HS6ST3: variants seen among roughly 807,000 people sequenced by gnomAD.
HS6ST3 encodes the protein heparan-sulfate 6-O-sulfotransferase 3.
Under a neutral mutation model 36.7 loss-of-function variants are expected in HS6ST3, and 12 were observed. That is an observed-to-expected ratio of 0.33 (90% confidence interval 0.21 to 0.53). The LOEUF (loss-of-function observed/expected upper bound fraction) is 0.53, where lower values mean the gene tolerates loss of function less well. HS6ST3 is among the 20% of genes least tolerant of loss of function. The pLI, the probability that HS6ST3 is intolerant of heterozygous loss-of-function variation, is 0.95. For synonymous variants in HS6ST3, 240 were observed against 257.5 expected (o/e 0.93, Z 0.65); for missense variants, 584 against 640.9 (o/e 0.91, Z 0.96).
chr13:96,224,761 G>A (rs182142500), intron 1 of HS6ST3, among the ~76,000 whole-genome samples: 4 of 152,338 alleles, frequency 2.6e-5, no homozygotes, highest in African/African-American at 9.6e-5. Flanking sequence ...GAAGGTTACA[G>A]AGCCACCTAA....
intron 1 of HS6ST3, among the ~76,000 whole-genome samples, chr13:96,580,267 A>G (rs2056337088): frequency 6.6e-6 from 1 of 150,510 alleles, no homozygotes; most frequent in South Asian, 2.1e-4. Context: ...TCAGTTTCAC[A>G]TAGCATATTA....
chr13:96,708,664 C>T (rs1029466018), intron 1 of HS6ST3, among the ~76,000 whole-genome samples: 44 of 152,204 alleles, frequency 2.9e-4, no homozygotes, highest in African/African-American at 8.9e-4. Flanking sequence ...AATGTGAATC[C>T]ACAGAGGAAA....
At chr13:96,582,755 C>T (rs773888927) in intron 1 of HS6ST3, among the ~76,000 whole-genome samples, 3 of 152,190 alleles carry the variant, frequency 2.0e-5, no homozygotes, top group Non-Finnish European at 4.4e-5. Flanking sequence ...TGTAGCAGAT[C>T]GGCTCATTTT....
chr13:96,417,943 A>C (rs1416625309), intron 1 of HS6ST3, among the ~76,000 whole-genome samples: 5 of 152,096 alleles, frequency 3.3e-5, no homozygotes, highest in Non-Finnish European at 5.9e-5. Flanking sequence ...CTGTTGAATA[A>C]CACACGTGGA....
chr13:96,734,398 G>A (rs1255749922), intron 1 of HS6ST3, among the ~76,000 whole-genome samples: 3 of 152,186 alleles, frequency 2.0e-5, no homozygotes, highest in South Asian at 2.1e-4. Context: ...TCTTACATTA[G>A]TCCCACCTTT....
At chr13:96,642,895 C>G (rs1206037469) in intron 1 of HS6ST3, among the ~76,000 whole-genome samples, 1 of 151,786 alleles carries the variant, frequency 6.6e-6, no homozygotes, top group Admixed American at 6.6e-5. Context: ...AACATCTGGC[C>G]TTCCTCAGGG....
intron 1 of HS6ST3, among the ~76,000 whole-genome samples, chr13:96,308,820 C>A (rs754510121): frequency 6.6e-6 from 1 of 152,058 alleles, no homozygotes; most frequent in Non-Finnish European, 1.5e-5. Flanking sequence ...AATTTGCTGT[C>A]TAGTGGTACG....
At chr13:96,118,663 TATATATATATATATATATATATATA>T (rs1384831272) in intron 1 of HS6ST3, among the ~76,000 whole-genome samples, 64 of 6,392 alleles carry the variant, frequency 0.01, no homozygotes, top group Non-Finnish European at 0.015. Context: ...TATATATATA[TATATATATATATATATATATATATA>T]TTTTTTTTTT....
chr13:96,136,649 T>C (rs536813546), intron 1 of HS6ST3, among the ~76,000 whole-genome samples: 8 of 149,586 alleles, frequency 5.3e-5, no homozygotes, highest in Non-Finnish European at 1.0e-4. Flanking sequence ...CCATATCATG[T>C]ATATTTAAGG....
At chr13:96,384,170 T>G (rs1039685181) in intron 1 of HS6ST3, among the ~76,000 whole-genome samples, 15 of 152,260 alleles carry the variant, frequency 9.9e-5, no homozygotes, top group Non-Finnish European at 1.2e-4. Context: ...GGTTTATTAA[T>G]GTAACTTCAT....
chr13:96,725,819 C>CT (rs758198373), intron 1 of HS6ST3, among the ~76,000 whole-genome samples: 6 of 151,652 alleles, frequency 4.0e-5, no homozygotes, highest in Admixed American at 3.3e-4. Context: ...TATGATATGT[C>CT]TTTTTTTTAA....
chr13:96,650,075 A>G (rs1171761928), intron 1 of HS6ST3, among the ~76,000 whole-genome samples: 3 of 151,884 alleles, frequency 2.0e-5, no homozygotes, highest in Non-Finnish European at 2.9e-5. Context: ...CTTTCCTAGT[A>G]GGGCAGACCC....
At chr13:96,510,178 T>G (rs1203330484) in intron 1 of HS6ST3, among the ~76,000 whole-genome samples, 2 of 151,938 alleles carry the variant, frequency 1.3e-5, no homozygotes. Context: ...GTTCTTGATT[T>G]GATTCACAGC....
At chr13:96,124,744 C>T (rs2053942201) in intron 1 of HS6ST3, among the ~76,000 whole-genome samples, 1 of 152,206 alleles carries the variant, frequency 6.6e-6, no homozygotes, top group African/African-American at 2.4e-5. Flanking sequence ...TTTCTGACCT[C>T]ACCACATGTG....
intron 1 of HS6ST3, among the ~76,000 whole-genome samples, chr13:96,252,198 G>C (rs1389861412): frequency 6.6e-6 from 1 of 152,198 alleles, no homozygotes; most frequent in Admixed American, 6.5e-5. Flanking sequence ...TAATATTTAA[G>C]TGGTTTGAGG....
intron 1 of HS6ST3, among the ~76,000 whole-genome samples, chr13:96,639,792 C>T (rs1351472819): frequency 1.3e-5 from 2 of 151,924 alleles, no homozygotes; most frequent in Admixed American, 1.3e-4. Context: ...TAAATGAGAA[C>T]ATGTGGTATT....
chr13:96,259,434 A>G (rs2054653449), intron 1 of HS6ST3, among the ~76,000 whole-genome samples: 2 of 152,180 alleles, frequency 1.3e-5, no homozygotes. Context: ...GGCTCTGGGA[A>G]GAGCAATGGG....
chr13:96,761,551 A>G (rs1458022650), intron 1 of HS6ST3, among the ~76,000 whole-genome samples: 2 of 151,972 alleles, frequency 1.3e-5, no homozygotes, highest in East Asian at 1.9e-4. Context: ...TTTTTTTAAT[A>G]AAATAGATGA....
chr13:96,176,301 G>A (rs550959332), intron 1 of HS6ST3, among the ~76,000 whole-genome samples: 14 of 152,174 alleles, frequency 9.2e-5, no homozygotes, highest in East Asian at 3.9e-4. Flanking sequence ...TGTGTCATGC[G>A]TTTCTTATAT....
Sources: gnomAD v4.1 joint callset for allele counts (sites outside exome capture counted in the v4.1 genomes callset) on GRCh38, gnomAD v4.1.1 for gene constraint, MANE v1.5 for transcripts, NCBI Gene and HGNC (gene_info 2026-07-23, HGNC 2026-07-21) for gene names.